Variants in TNS1 observed in about 807,000 individuals in gnomAD.
TNS1 encodes tensin 1, also known as tensin-1.
Under a neutral mutation model 168.6 loss-of-function variants are expected in TNS1, and 62 were observed. That is an observed-to-expected ratio of 0.37 (90% confidence interval 0.30 to 0.45). TNS1 has a LOEUF of 0.45. Ranked by LOEUF, TNS1 falls within the 20% of genes least tolerant of loss-of-function variation. The pLI is 1.00. For missense variants in TNS1, 2,240 were observed against 2,339.4 expected (o/e 0.96, Z 0.88); for synonymous variants, 934 against 933.2 (o/e 1.00, Z -0.02).
chr2:217,872,117 C>A (rs1373515803), intron 18 of TNS1, among the ~76,000 whole-genome samples: 4 of 152,238 alleles, frequency 2.6e-5, no homozygotes, highest in Admixed American at 2.6e-4. Flanking sequence ...CAAATGGGAA[C>A]ACTATTTGTG....
intron 1 of TNS1, among the ~76,000 whole-genome samples, chr2:218,020,985 C>T (rs944952003): frequency 2.6e-5 from 4 of 152,180 alleles, no homozygotes; most frequent in Admixed American, 6.5e-5. Context: ...AATGCATCCA[C>T]GAAACAAGAA....
At chr2:217,893,930 A>G (rs1311975138) in intron 9 of TNS1, among the ~76,000 whole-genome samples, 3 of 152,188 alleles carry the variant, frequency 2.0e-5, no homozygotes, top group African/African-American at 7.2e-5. Flanking sequence ...GACCTCCAAC[A>G]TGCTGAGGGG....
rs768685259 is a variant in TNS1 at position 217,813,202 on chromosome 2, G to A, written c.4954+13C>T. On this transcript the variant is annotated intron_variant, in intron 27 of 32. Coordinates refer to ENST00000682258, the MANE Select transcript of TNS1 (RefSeq NM_001387777.1). The surrounding 1 kb of genome is among the most constrained non-coding windows in gnomAD (Gnocchi z 4.0). ...GGCCAGACTGTAGAGATGGGGGCAG[G>A]GGGACAGCTCACCGAAGTTTGGCTC... 12 of 1,592,138 alleles carry A rather than the reference G, an allele frequency of 7.5e-6. No individual in the cohort carries two copies. The highest frequency in any genetic ancestry group is 9.4e-6 in the Non-Finnish European group (11 of 1,166,422).
At chr2:217,902,862 T>C (rs926274722) in intron 6 of TNS1, among the ~76,000 whole-genome samples, 6 of 152,172 alleles carry the variant, frequency 3.9e-5, no homozygotes, top group Admixed American at 6.5e-5. Context: ...CTTCCTGTTT[T>C]CTGCAAAGTT....
At chr2:218,029,033 C>A (rs929434969) in intron 1 of TNS1, among the ~76,000 whole-genome samples, 1 of 152,208 alleles carries the variant, frequency 6.6e-6, no homozygotes, top group Non-Finnish European at 1.5e-5. Flanking sequence ...TCTTTCCCTT[C>A]CGGAAATAGC....
chr2:217,970,641 A>C (rs553332778), intron 3 of TNS1, among the ~76,000 whole-genome samples: 18 of 152,252 alleles, frequency 1.2e-4, no homozygotes, highest in Non-Finnish European at 2.5e-4. Flanking sequence ...TGAAGACCAC[A>C]GCTATGAAAC....
intron 28 of TNS1, among the ~76,000 whole-genome samples, chr2:217,811,618 C>T (rs923074531): frequency 4.6e-5 from 7 of 152,278 alleles, no homozygotes; most frequent in Middle Eastern, 3.4e-3. Flanking sequence ...CCTTGCACTG[C>T]GGGTGAGGCC....
intron 23 of TNS1, among the ~76,000 whole-genome samples, chr2:217,819,319 G>A (rs1009110492): frequency 6.6e-6 from 1 of 152,190 alleles, no homozygotes; most frequent in Non-Finnish European, 1.5e-5. Flanking sequence ...CACATCAGGG[G>A]ATTTGAGGTC....
intron 2 of TNS1, among the ~76,000 whole-genome samples, chr2:217,990,557 C>T (rs1349160339): frequency 1.3e-5 from 2 of 152,160 alleles, no homozygotes; most frequent in African/African-American, 4.8e-5. Context: ...GCATCATCCA[C>T]ACACCAGCCA....
chr2:217,983,337 A>G (rs370447764), intron 2 of TNS1, among the ~76,000 whole-genome samples: 9 of 152,060 alleles, frequency 5.9e-5, no homozygotes, highest in African/African-American at 2.2e-4. Flanking sequence ...AAACCCACGT[A>G]TGCACCCTCC....
chr2:218,006,180 G>C (rs1208104712), upstream of TNS1, among the ~76,000 whole-genome samples: 1 of 152,252 alleles, frequency 6.6e-6, no homozygotes, highest in East Asian at 1.9e-4. Flanking sequence ...CAGGTCTGTG[G>C]GCTGTGGTGC....
intron 3 of TNS1, among the ~76,000 whole-genome samples, chr2:217,965,572 AGCCCAGCAGCAGAGAAT>A (rs1332818058): frequency 1.3e-5 from 2 of 152,162 alleles, no homozygotes; most frequent in Non-Finnish European, 2.9e-5. Context: ...CTCCAGGCAG[AGCCCAGCAGCAGAGAAT>A]GCTAGGTTCT....
chr2:217,845,948 T>C (rs1946588437), intron 19 of TNS1, among the ~76,000 whole-genome samples: 1 of 152,056 alleles, frequency 6.6e-6, no homozygotes, highest in South Asian at 2.1e-4. Context: ...CCTTGCAAAA[T>C]ATTGGGAGAG....
chr2:217,868,963 G>C (rs554337296), intron 18 of TNS1, among the ~76,000 whole-genome samples: 1 of 152,274 alleles, frequency 6.6e-6, no homozygotes, highest in African/African-American at 2.4e-5. Context: ...AAGGTCTTGT[G>C]TCAGGGAGAG....
intron 4 of TNS1, among the ~76,000 whole-genome samples, chr2:217,915,536 G>C (rs1355865988): frequency 6.6e-6 from 1 of 152,204 alleles, no homozygotes; most frequent in Admixed American, 6.5e-5. Flanking sequence ...GGGGGTAGGT[G>C]CTCCAGAGAT....
At chr2:217,958,011 A>ACACACACACACACACACT in intron 3 of TNS1, among the ~76,000 whole-genome samples, 1 of 151,862 alleles carries the variant, frequency 6.6e-6, no homozygotes, top group African/African-American at 2.4e-5. Context: ...ATTCACACAC[A>ACACACACACACACACACT]CACACACACA....
intron 18 of TNS1, among the ~76,000 whole-genome samples, chr2:217,871,066 G>C (rs1033456117): frequency 6.6e-6 from 1 of 152,128 alleles, no homozygotes; most frequent in Non-Finnish European, 1.5e-5. Flanking sequence ...CCTCTATGCA[G>C]ACCAGCACAC....
Position 217,818,330 on chromosome 2 carries a change from G to A in TNS1, c.4002C>T (p.Val1334=). The A allele has an allele frequency of 6.2e-7, 1 of 1,614,120 alleles. No individual in the cohort carries two copies. The highest frequency in any genetic ancestry group is 8.5e-7 in the Non-Finnish European group (1 of 1,180,012). Reference sequence around the variant, plus strand: ...TCGCTGCACTGCTCTGGGGGCTGGAGACAGTGCTACCATGGAAGCCAGTGC... The same window carrying A: ...TCGCTGCACTGCTCTGGGGGCTGGAAACAGTGCTACCATGGAAGCCAGTGC... ...PPGTGFHGST[V]SSPQSSAATT... is the part of the protein sequence containing the mutation. The change falls in exon 24 of 33, where the codon GTC becomes GTT. Residue 1334 remains valine, a synonymous_variant. Coordinates refer to ENST00000682258, the MANE Select transcript of TNS1 (RefSeq NM_001387777.1).
intron 1 of TNS1, among the ~76,000 whole-genome samples, chr2:218,001,375 A>T (rs1041456678): frequency 6.6e-6 from 1 of 152,088 alleles, no homozygotes; most frequent in South Asian, 2.1e-4. Flanking sequence ...GGGAAAGCAG[A>T]GGCTCACCAG....
Sources: gnomAD v4.1 joint callset for allele counts (sites outside exome capture counted in the v4.1 genomes callset) on GRCh38, gnomAD v4.1.1 for gene constraint, Gnocchi (gnomAD v3.1) non-coding constraint, MANE v1.5 for transcripts, NCBI Gene and HGNC (gene_info 2026-07-23, HGNC 2026-07-21) for gene names.